The following TP63 variants were observed in gnomAD, a reference collection of about 807,000 sequenced individuals.
TP63 encodes the protein tumor protein 63.
TP63 carries 17 observed loss-of-function variants against 82.8 expected under a neutral mutation model. The ratio of observed to expected loss-of-function variants is 0.21; its 90% CI spans 0.14 to 0.31. The LOEUF (loss-of-function observed/expected upper bound fraction) is 0.31. TP63 is among the 10% of genes least tolerant of loss of function. The pLI, the probability that TP63 is intolerant of heterozygous loss-of-function variation, is 1.00. For missense variants in TP63, 648 were observed against 895.3 expected (o/e 0.72, Z 3.52); for synonymous variants, 330 against 321.7 (o/e 1.03, Z -0.28).
At chr3:189,889,227 G>A in intron 11 of TP63, 113 bp from the exon 12 acceptor site, 1 of 1,483,252 alleles carries the variant, frequency 6.7e-7, no homozygotes, top group Non-Finnish European at 9.4e-7. Flanking sequence ...AGATTAAAAA[G>A]GAAGGCTGGT....
At position 189,631,494 on chromosome 3, in the gene TP63, ATAT is replaced by A; in HGVS notation, c.-21_-19del. On this transcript the variant is annotated 5_prime_UTR_variant, in exon 1 of 14. Transcript: ENST00000264731. ...TTATATAATTGTTCTCCGTTCGTTG[ATAT>A]CAAAGACAGTTGAAGGAAATGAATT... The A allele has an allele frequency of 6.2e-7, 1 of 1,612,460 alleles. No individual in the cohort carries two copies. Among genetic ancestry groups the A allele is most frequent in the Non-Finnish European group, 8.5e-7 (1 of 1,178,804 alleles).
At chr3:189,861,399 TGG>T (rs1183884743) in intron 4 of TP63, among the ~76,000 whole-genome samples, 1 of 134,878 alleles carries the variant, frequency 7.4e-6, no homozygotes, top group Non-Finnish European at 1.6e-5. Flanking sequence ...AACGTTTGTA[TGG>T]GTAGAACATG....
intron 1 of TP63, among the ~76,000 whole-genome samples, chr3:189,636,051 C>T (rs1729756422): frequency 6.6e-6 from 1 of 152,072 alleles, no homozygotes; most frequent in Non-Finnish European, 1.5e-5. Flanking sequence ...GTTGTTTATA[C>T]ACACTTTTAA....
At chr3:189,649,391 T>G (rs1712693584) in intron 1 of TP63, among the ~76,000 whole-genome samples, 1 of 146,736 alleles carries the variant, frequency 6.8e-6, no homozygotes, top group Non-Finnish European at 1.5e-5. Flanking sequence ...CAAATAGCAT[T>G]ATGTTTCACT....
chr3:189,776,584 G>C (rs924874623), intron 3 of TP63, among the ~76,000 whole-genome samples: 2 of 152,176 alleles, frequency 1.3e-5, no homozygotes, highest in African/African-American at 2.4e-5. Flanking sequence ...CCCCTGCTGG[G>C]TTAGAGTCCT....
Position 189,818,624 on chromosome 3 carries a change from G to T in TP63, c.579+10098G>T, listed in dbSNP as rs150778451. On this transcript the variant is annotated intron_variant, in intron 4 of 13. Transcript: ENST00000264731. The stretch of plus-strand genomic sequence containing the variant: ...TTGTATAATATATTCCTGTTACTAG[G>T]AATGATGCTTAAAAAAATTCTATAG... Among the ~76,000 whole-genome samples the T allele has an allele frequency of 4.6e-5, 7 of 152,054 alleles. No individual in the cohort carries two copies. The East Asian group carries it at 1.2e-3, about 25-fold the overall frequency.
At chr3:189,855,948 G>A (rs1211625008) in intron 4 of TP63, among the ~76,000 whole-genome samples, 1 of 151,838 alleles carries the variant, frequency 6.6e-6, no homozygotes, top group Non-Finnish European at 1.5e-5. Context: ...TACAGGGCAA[G>A]GTACTTTATA....
intron 4 of TP63, chr3:189,844,305 G>A: frequency 2.4e-6 from 1 of 411,812 alleles, no homozygotes; most frequent in South Asian, 1.7e-5. Context: ...CCAAGTAGGT[G>A]GGATTACAGG....
rs1490473342 is a variant in TP63 at position 189,808,490 on chromosome 3, C to T, written c.543C>T (p.Phe181=). The T allele has an allele frequency of 6.2e-7, 1 of 1,614,230 alleles. No individual in the cohort carries two copies. Among genetic ancestry groups the T allele is most frequent in the Non-Finnish European group, 8.5e-7 (1 of 1,180,054 alleles). Residue 181 remains phenylalanine, a synonymous_variant, in exon 4 of 14, where the codon TTC becomes TTT. Transcript: ENST00000264731. The part of the protein sequence containing the change: ...YPGPHSFDVS[F]QQSSTAKSAT... ...GCCCGCACAGTTTCGACGTGTCCTT[C>T]CAGCAGTCGAGCACCGCCAAGTCGG...
At chr3:189,719,882 T>A (rs961303229) in intron 1 of TP63, among the ~76,000 whole-genome samples, 1 of 152,222 alleles carries the variant, frequency 6.6e-6, no homozygotes, top group Non-Finnish European at 1.5e-5. Flanking sequence ...GTCCTCTAAG[T>A]ACTGCATTTG....
intron 1 of TP63, among the ~76,000 whole-genome samples, chr3:189,682,652 A>G (rs542846184): frequency 1.3e-5 from 2 of 150,766 alleles, no homozygotes; most frequent in South Asian, 4.2e-4. Flanking sequence ...AACACAAGGA[A>G]ATATAACTTT....
chr3:189,876,335 A>T (rs1164840806), intron 10 of TP63, among the ~76,000 whole-genome samples: 1 of 152,168 alleles, frequency 6.6e-6, no homozygotes, highest in African/African-American at 2.4e-5. Flanking sequence ...TTATTGTCTG[A>T]CCGGCTCACA....
intron 1 of TP63, among the ~76,000 whole-genome samples, chr3:189,648,342 G>T (rs1326890762): frequency 6.8e-6 from 1 of 146,358 alleles, no homozygotes; most frequent in African/African-American, 2.6e-5. Context: ...TATGCTTATT[G>T]TTTCTTATCT....
chr3:189,777,845 C>CT (rs55731981), intron 3 of TP63, among the ~76,000 whole-genome samples: 414 of 37,774 alleles, frequency 0.011, 65 homozygotes, highest in African/African-American at 0.038. Context: ...TCTTCTTCTT[C>CT]TTTTTTTTTT....
intron 1 of TP63, among the ~76,000 whole-genome samples, chr3:189,694,914 T>G (rs1303417587): frequency 6.8e-6 from 1 of 146,364 alleles, no homozygotes; most frequent in Non-Finnish European, 1.5e-5. Flanking sequence ...CAAGTGATTC[T>G]CCTGCCTCAG....
At chr3:189,753,737 C>A (rs1313477296) in intron 3 of TP63, among the ~76,000 whole-genome samples, 1 of 152,012 alleles carries the variant, frequency 6.6e-6, no homozygotes, top group African/African-American at 2.4e-5. Context: ...GTGCTCCTCC[C>A]TTTCTTTTTA....
At chr3:189,705,532 A>C (rs1423933887) in intron 1 of TP63, among the ~76,000 whole-genome samples, 1 of 152,016 alleles carries the variant, frequency 6.6e-6, no homozygotes, top group African/African-American at 2.4e-5. Flanking sequence ...ACACATCCTT[A>C]TGGTGCCTGA....
At chr3:189,742,169 G>C (rs903847157) in intron 3 of TP63, among the ~76,000 whole-genome samples, 7 of 150,038 alleles carry the variant, frequency 4.7e-5, no homozygotes, top group African/African-American at 1.5e-4. Context: ...CTTGAGCCTG[G>C]GAGGTGGAGG....
chr3:189,765,882 G>A (rs962957023), intron 3 of TP63, among the ~76,000 whole-genome samples: 4 of 152,146 alleles, frequency 2.6e-5, no homozygotes, highest in African/African-American at 9.7e-5. Flanking sequence ...GTTTCCTTAT[G>A]GGTGAAAGCA....
Sources: gnomAD v4.1 joint callset for allele counts (sites outside exome capture counted in the v4.1 genomes callset) on GRCh38, gnomAD v4.1.1 for gene constraint, MANE v1.5 for transcripts, NCBI Gene and HGNC (gene_info 2026-07-23, HGNC 2026-07-21) for gene names.